The following GTF2IRD1 variants were observed in gnomAD, a reference collection of about 807,000 sequenced individuals.
GTF2IRD1 encodes general transcription factor II-I repeat domain-containing protein 1.
GTF2IRD1 carries 26 observed loss-of-function variants against 113.2 expected under a neutral mutation model. The ratio of observed to expected loss-of-function variants is 0.23; its 90% confidence interval spans 0.17 to 0.32. GTF2IRD1 has a LOEUF of 0.32. GTF2IRD1 is among the 10% of genes least tolerant of loss of function. The probability of loss-of-function intolerance (pLI) is 1.00; values close to 1 mark genes in which losing one functional copy is unlikely to be tolerated. For synonymous variants in GTF2IRD1, 484 were observed against 529.1 expected, an observed-to-expected ratio of 0.91 and a Z score of 1.17; for missense variants, 864 against 1,280.8, an observed-to-expected ratio of 0.67 and a Z score of 4.97.
intron 2 of GTF2IRD1, among the ~76,000 whole-genome samples, chr7:74,511,640 C>T (rs1394209128): frequency 5.3e-5 from 8 of 152,328 alleles, no homozygotes; most frequent in African/African-American, 1.9e-4. Flanking sequence ...AGAGCGACTC[C>T]AGGCTGGGGC....
chr7:74,594,114 G>A (rs1236327911), intron 24 of GTF2IRD1, among the ~76,000 whole-genome samples: 2 of 151,704 alleles, frequency 1.3e-5, no homozygotes, highest in Non-Finnish European at 1.5e-5. Context: ...CAGGACAATC[G>A]CTTGAACCCA....
At chr7:74,495,883 C>T (rs1795627413) in intron 1 of GTF2IRD1, among the ~76,000 whole-genome samples, 1 of 152,114 alleles carries the variant, frequency 6.6e-6, no homozygotes, top group Non-Finnish European at 1.5e-5. Flanking sequence ...GGACAGTGAG[C>T]CTTTGGAGGG....
chr7:74,600,902 C>T, intron 25 of GTF2IRD1, 142 bp from the exon 26 acceptor site: 4 of 860,498 alleles, frequency 4.6e-6, no homozygotes, highest in Non-Finnish European at 1.8e-6. Flanking sequence ...CAGGTGGGCC[C>T]TGACCCCCAG....
chr7:74,496,019 CGT>C (rs144413303), intron 1 of GTF2IRD1, among the ~76,000 whole-genome samples: 3 of 151,670 alleles, frequency 2.0e-5, no homozygotes, highest in Non-Finnish European at 2.9e-5. Context: ...CTTGGACTAG[CGT>C]GTGTGTGAGT....
At chr7:74,460,919 A>G (rs1167251367) in intron 1 of GTF2IRD1, among the ~76,000 whole-genome samples, 1 of 151,482 alleles carries the variant, frequency 6.6e-6, no homozygotes, top group Non-Finnish European at 1.5e-5. Context: ...CACCTTTGCC[A>G]TGCTGCCACC....
chr7:74,530,480 C>G (rs1343931706), intron 9 of GTF2IRD1, among the ~76,000 whole-genome samples: 2 of 145,680 alleles, frequency 1.4e-5, no homozygotes, highest in Admixed American at 7.0e-5. Flanking sequence ...CTGGCCTAAT[C>G]AGGCACTTTG....
chr7:74,514,161 G>A (rs548437376), intron 3 of GTF2IRD1, among the ~76,000 whole-genome samples: 5 of 152,246 alleles, frequency 3.3e-5, no homozygotes, highest in Admixed American at 2.6e-4. Flanking sequence ...GGCAGTGTCT[G>A]GCACTTGGTT....
intron 22 of GTF2IRD1, among the ~76,000 whole-genome samples, chr7:74,575,998 T>C (rs1158825143): frequency 1.3e-5 from 2 of 149,156 alleles, no homozygotes; most frequent in South Asian, 2.1e-4. Context: ...CAAGACCCCA[T>C]CTCTAAAAAA....
intron 1 of GTF2IRD1, among the ~76,000 whole-genome samples, chr7:74,496,459 A>G (rs1310301605): frequency 5.7e-5 from 7 of 123,888 alleles, no homozygotes; most frequent in African/African-American, 1.4e-4. Context: ...GTGGGTGTGC[A>G]TGTGTGTTCA....
intron 3 of GTF2IRD1, 69 bp from the exon 4 acceptor site, chr7:74,515,372 C>T (rs1554344341): frequency 2.6e-6 from 4 of 1,544,368 alleles, no homozygotes; most frequent in Non-Finnish European, 3.5e-6. Context: ...AGGGCAGCGA[C>T]ATCCCAGCTC....
chr7:74,485,829 G>A (rs1428831179), intron 1 of GTF2IRD1, among the ~76,000 whole-genome samples: 2 of 152,016 alleles, frequency 1.3e-5, no homozygotes, highest in African/African-American at 2.4e-5. Flanking sequence ...GTGAGCCTGA[G>A]GCAGGAGAAT....
chr7:74,557,068 C>G (rs1269275455), intron 19 of GTF2IRD1, among the ~76,000 whole-genome samples: 1 of 152,104 alleles, frequency 6.6e-6, no homozygotes, highest in Non-Finnish European at 1.5e-5. Flanking sequence ...TGGCGAAACC[C>G]CATCTCTACC....
At chr7:74,538,898 G>T in intron 13 of GTF2IRD1, 138 bp downstream of exon 13, 1 of 617,364 alleles carries the variant, frequency 1.6e-6, no homozygotes. Flanking sequence ...GGGGTACTGT[G>T]AATGCTTTTT....
At chr7:74,561,484 G>T (rs1352230105) in intron 22 of GTF2IRD1, among the ~76,000 whole-genome samples, 1 of 152,056 alleles carries the variant, frequency 6.6e-6, no homozygotes, top group Non-Finnish European at 1.5e-5. Flanking sequence ...GCCCTGCTTG[G>T]GCCTCAGGGG....
At chr7:74,538,521 C>A (rs1349022907) in intron 12 of GTF2IRD1, among the ~76,000 whole-genome samples, 159 bp from the exon 13 acceptor site, 2 of 152,206 alleles carry the variant, frequency 1.3e-5, no homozygotes, top group Admixed American at 1.3e-4. Context: ...GCTCCCCTGA[C>A]CTCCAATTCC....
chr7:74,461,573 A>ATATTT (rs1161830721), intron 1 of GTF2IRD1, among the ~76,000 whole-genome samples: 4 of 151,924 alleles, frequency 2.6e-5, no homozygotes, highest in African/African-American at 9.7e-5. Context: ...GGCCCACTTT[A>ATATTT]TATTTTATTT....
intron 2 of GTF2IRD1, among the ~76,000 whole-genome samples, chr7:74,510,815 G>C (rs1256041167): frequency 1.3e-5 from 2 of 151,980 alleles, no homozygotes; most frequent in African/African-American, 4.8e-5. Flanking sequence ...CTGAGAGGCT[G>C]AGTGGGGCAG....
chr7:74,471,275 C>G (rs1671833983), intron 1 of GTF2IRD1, among the ~76,000 whole-genome samples: 2 of 152,124 alleles, frequency 1.3e-5, no homozygotes, highest in South Asian at 4.1e-4. Flanking sequence ...GAGGCTCATG[C>G]CTGTAATCCC....
At chr7:74,487,657 A>G (rs1420819820) in intron 1 of GTF2IRD1, 2 of 152,240 alleles carry the variant, frequency 1.3e-5, no homozygotes, top group Non-Finnish European at 2.9e-5. Flanking sequence ...AGCCCAAAAC[A>G]CTGTAATTCC....
Sources: allele counts gnomAD v4.1 joint callset (sites outside exome capture counted in the v4.1 genomes callset), GRCh38; gene constraint gnomAD v4.1.1; transcripts MANE v1.5; gene names NCBI Gene and HGNC (gene_info 2026-07-23, HGNC 2026-07-21).